Variants in ADAMTSL1 observed in about 807,000 individuals in gnomAD.
ADAMTSL1 encodes ADAMTS-like protein 1.
In ADAMTSL1, 126 loss-of-function variants were observed where a neutral mutation model predicts 201.8. The ratio of observed to expected loss-of-function variants is 0.62; its 90% CI spans 0.54 to 0.72. ADAMTSL1 has a LOEUF of 0.72. Among genes scored for constraint, ADAMTSL1 ranks in the 30% least tolerant of loss-of-function variants. The pLI is 0.00. For missense variants in ADAMTSL1, 2,679 were observed against 2,277.8 expected (o/e 1.18, Z -3.59); for synonymous variants, 1,121 against 903.4 (o/e 1.24, Z -4.32).
intron 1 of ADAMTSL1, among the ~76,000 whole-genome samples, chr9:18,105,582 G>A (rs770382754): frequency 1.4e-4 from 21 of 152,124 alleles, no homozygotes; most frequent in Non-Finnish European, 2.4e-4. Context: ...GAATATTACT[G>A]TAGTGGAGAA....
chr9:18,603,413 A>ATACTG (rs1824799015), intron 4 of ADAMTSL1, among the ~76,000 whole-genome samples: 1 of 118,174 alleles, frequency 8.5e-6, no homozygotes, highest in Non-Finnish European at 1.9e-5. Flanking sequence ...ATGCTATGCT[A>ATACTG]TGCTATACTG....
chr9:18,402,699 G>A (rs138047243), intron 2 of ADAMTSL1, among the ~76,000 whole-genome samples: 1 of 152,104 alleles, frequency 6.6e-6, no homozygotes, highest in Non-Finnish European at 1.5e-5. Flanking sequence ...TGGTCTTTTG[G>A]TTATCCCCTC....
intron 3 of ADAMTSL1, among the ~76,000 whole-genome samples, chr9:18,544,460 C>CT (rs1380045922): frequency 6.6e-6 from 1 of 151,762 alleles, no homozygotes. Context: ...TTGATGGCAT[C>CT]TTTCTAGTAT....
At chr9:17,992,446 G>A (rs1197327038) in intron 1 of ADAMTSL1, among the ~76,000 whole-genome samples, 7 of 152,114 alleles carry the variant, frequency 4.6e-5, no homozygotes, top group Non-Finnish European at 1.0e-4. Context: ...GGTTTTGAAG[G>A]TTTTGCCAAC....
chr9:18,243,753 C>A (rs1831154350), intron 2 of ADAMTSL1, among the ~76,000 whole-genome samples: 1 of 150,620 alleles, frequency 6.6e-6, no homozygotes, highest in Non-Finnish European at 1.5e-5. Context: ...TCCACAGACC[C>A]AGGCATGCAT....
At chr9:18,185,615 T>C (rs1473172789) in intron 2 of ADAMTSL1, among the ~76,000 whole-genome samples, 1 of 152,154 alleles carries the variant, frequency 6.6e-6, no homozygotes, top group African/African-American at 2.4e-5. Flanking sequence ...AGGTAGGTAC[T>C]GATAGCAACG....
chr9:18,757,813 C>G (rs945299723), intron 16 of ADAMTSL1, among the ~76,000 whole-genome samples: 1 of 152,132 alleles, frequency 6.6e-6, no homozygotes, highest in East Asian at 1.9e-4. Context: ...CCCCATAACT[C>G]CCAGGACACA....
At chr9:18,553,830 T>C (rs1820941472) in intron 3 of ADAMTSL1, among the ~76,000 whole-genome samples, 1 of 151,854 alleles carries the variant, frequency 6.6e-6, no homozygotes, top group South Asian at 2.1e-4. Flanking sequence ...TCTGCCTGAC[T>C]TCTTTTATTT....
At chr9:18,424,751 T>C (rs1410646807) in intron 2 of ADAMTSL1, among the ~76,000 whole-genome samples, 1 of 152,130 alleles carries the variant, frequency 6.6e-6, no homozygotes, top group Non-Finnish European at 1.5e-5. Context: ...CCCAGCCTCA[T>C]GTATGATCAG....
At chr9:18,845,699 C>T (rs1032586919) in intron 23 of ADAMTSL1, among the ~76,000 whole-genome samples, 1 of 152,336 alleles carries the variant, frequency 6.6e-6, no homozygotes, top group Non-Finnish European at 1.5e-5. Context: ...TTCAGACATC[C>T]CTGCTAAGAG....
chr9:18,695,193 C>T (rs1464462249), intron 13 of ADAMTSL1, among the ~76,000 whole-genome samples: 1 of 152,246 alleles, frequency 6.6e-6, no homozygotes, highest in East Asian at 1.9e-4. Context: ...GGGACTGCCA[C>T]AGCTCTGAAA....
intron 7 of ADAMTSL1, among the ~76,000 whole-genome samples, chr9:18,647,880 A>C (rs901388660): frequency 1.3e-4 from 19 of 150,764 alleles, no homozygotes; most frequent in Non-Finnish European, 2.7e-4. Flanking sequence ...TGGGGTGGAG[A>C]GTTCTGTAGA....
chr9:18,625,500 C>T (rs868407986), intron 5 of ADAMTSL1, among the ~76,000 whole-genome samples: 1 of 152,132 alleles, frequency 6.6e-6, no homozygotes, highest in African/African-American at 2.4e-5. Flanking sequence ...GATCAAAGTA[C>T]TCTTTCTCCT....
intron 1 of ADAMTSL1, among the ~76,000 whole-genome samples, chr9:17,919,919 C>G (rs1465107837): frequency 1.3e-5 from 2 of 152,100 alleles, no homozygotes; most frequent in African/African-American, 4.8e-5. Flanking sequence ...ACCTGCTACA[C>G]CATTATACAT....
In ADAMTSL1 at chr9:18,357,125, T is replaced by C. The variant is rs192215654; in HGVS notation, c.208-147704T>C. On this transcript the variant is annotated intron_variant, in intron 2 of 29. Coordinates refer to the ADAMTSL1 transcript ENST00000680146. Reference sequence around the variant, plus strand: ...TTTTTTTCAAATTTGCAAAAGTTATTGGATGCCTGAAATGTGTAAGTTAAT... The same window carrying C: ...TTTTTTTCAAATTTGCAAAAGTTATCGGATGCCTGAAATGTGTAAGTTAAT... 3.9e-5 allele frequency among the ~76,000 whole-genome samples: 6 copies of C among 152,280 alleles called. No homozygotes were observed. In the East Asian group the frequency reaches 1.2e-3, roughly 29 times the overall value.
intron 23 of ADAMTSL1, among the ~76,000 whole-genome samples, chr9:18,882,291 A>T (rs1828580494): frequency 6.6e-6 from 1 of 152,176 alleles, no homozygotes; most frequent in Admixed American, 6.5e-5. Flanking sequence ...ACCAGGGCTG[A>T]CCAAACAGGA....
intron 20 of ADAMTSL1, among the ~76,000 whole-genome samples, chr9:18,799,855 CT>C (rs1822671541): frequency 6.6e-6 from 1 of 151,614 alleles, no homozygotes; most frequent in Non-Finnish European, 1.5e-5. Context: ...TTTTAAAATT[CT>C]TCTTCCTCTG....
intron 1 of ADAMTSL1, among the ~76,000 whole-genome samples, chr9:17,952,521 A>T (rs563678573): frequency 6.6e-6 from 1 of 152,110 alleles, no homozygotes; most frequent in South Asian, 2.1e-4. Flanking sequence ...ACAAGTAGAG[A>T]ATTGTATCTG....
chr9:18,320,435 G>A (rs560554699), intron 2 of ADAMTSL1, among the ~76,000 whole-genome samples: 1 of 152,268 alleles, frequency 6.6e-6, no homozygotes, highest in South Asian at 2.1e-4. Context: ...ATAAATGAAA[G>A]TGAAATAAAC....
Sources: gnomAD v4.1 joint callset for allele counts (sites outside exome capture counted in the v4.1 genomes callset) on GRCh38, gnomAD v4.1.1 for gene constraint, MANE v1.5 for transcripts, NCBI Gene and HGNC (gene_info 2026-07-23, HGNC 2026-07-21) for gene names.